Variants in PHF24 observed in about 807,000 individuals in gnomAD.
The protein encoded by PHF24 is PHD finger protein 24, also known as Galpha inhibitory interacting protein.
In PHF24, 25 loss-of-function variants were observed where a neutral mutation model predicts 42.6. That is an observed-to-expected ratio of 0.59 (90% CI 0.43 to 0.82). PHF24 has a LOEUF of 0.82. Among genes scored for constraint, PHF24 ranks in the 40% least tolerant of loss-of-function variants. The pLI is 0.00. For synonymous variants in PHF24, 185 were observed against 204.8 expected, an observed-to-expected ratio of 0.90 and a Z score of 0.83; for missense variants, 470 against 538.1, an observed-to-expected ratio of 0.87 and a Z score of 1.25.
At chr9:34,914,082 T>C in the PHF24 span, among the ~76,000 whole-genome samples, 64 of 152,312 alleles carry the variant, frequency 4.2e-4, no homozygotes, top group Non-Finnish European at 8.2e-4. Context: ...GTCTCCTAAA[T>C]CAATTACTAC....
intron 1 of PHF24, among the ~76,000 whole-genome samples, chr9:34,961,364 A>G (rs1166856897): frequency 6.6e-6 from 1 of 152,186 alleles, no homozygotes; most frequent in Non-Finnish European, 1.5e-5. Flanking sequence ...AACCAAGACC[A>G]TCAGTGTCCA....
chr9:34,683,685 A>G, the PHF24 span, among the ~76,000 whole-genome samples: 1 of 152,206 alleles, frequency 6.6e-6, no homozygotes, highest in African/African-American at 2.4e-5. Context: ...AGAGGCCCAT[A>G]ATGATATTGG....
chr9:34,950,128 C>T, the PHF24 span, among the ~76,000 whole-genome samples: 3 of 151,760 alleles, frequency 2.0e-5, no homozygotes. Context: ...ACGGGTGGAT[C>T]ACTTGAGGTC....
the PHF24 span, among the ~76,000 whole-genome samples, chr9:34,902,595 A>C: frequency 2.6e-5 from 4 of 152,320 alleles, no homozygotes; most frequent in Admixed American, 2.0e-4. Context: ...TCAAGGCTAC[A>C]GTGAACCATG....
chr9:34,937,621 C>G, the PHF24 span, among the ~76,000 whole-genome samples: 9 of 145,438 alleles, frequency 6.2e-5, no homozygotes, highest in Non-Finnish European at 1.0e-4. Flanking sequence ...TCCCCCTCTG[C>G]GAGAAACACC....
At chr9:34,967,795 C>G (rs1399908699) in intron 1 of PHF24, among the ~76,000 whole-genome samples, 1 of 152,190 alleles carries the variant, frequency 6.6e-6, no homozygotes, top group Non-Finnish European at 1.5e-5. Flanking sequence ...TCCATCCCCA[C>G]CCCACCCTGG....
the PHF24 span, among the ~76,000 whole-genome samples, chr9:34,850,819 C>T: frequency 6.6e-6 from 1 of 152,342 alleles, no homozygotes; most frequent in Non-Finnish European, 1.5e-5. Flanking sequence ...TTCTAACAGA[C>T]AGTACCCTCA....
intron 5 of PHF24, 79 bp downstream of exon 5, chr9:34,976,819 G>A: frequency 3.9e-6 from 5 of 1,274,304 alleles, no homozygotes; most frequent in Non-Finnish European, 3.3e-6. Flanking sequence ...GATTGGGGGA[G>A]CACTGGGTCC....
chr9:34,962,794 G>A (rs771452563), intron 1 of PHF24, among the ~76,000 whole-genome samples: 1 of 152,216 alleles, frequency 6.6e-6, no homozygotes, highest in Non-Finnish European at 1.5e-5. Flanking sequence ...AGTCAGCACT[G>A]TGGCTTTTAA....
the PHF24 span, among the ~76,000 whole-genome samples, chr9:34,667,052 T>A: frequency 6.6e-6 from 1 of 152,164 alleles, no homozygotes; most frequent in East Asian, 1.9e-4. Flanking sequence ...AGATTCTTAC[T>A]ATAAATGGAG....
the PHF24 span, chr9:34,723,994 C>G: frequency 1.3e-6 from 2 of 1,550,096 alleles, no homozygotes; most frequent in African/African-American, 2.7e-5. Context: ...CTGCTGGCCT[C>G]TGGTCTTCAG....
At chr9:34,726,932 C>G in the PHF24 span, 2 of 1,551,622 alleles carry the variant, frequency 1.3e-6, no homozygotes, top group Non-Finnish European at 1.7e-6. Flanking sequence ...GATTTGGCAG[C>G]AGGGATCTGC....
At chr9:34,753,787 C>T in the PHF24 span, among the ~76,000 whole-genome samples, 81 of 152,270 alleles carry the variant, frequency 5.3e-4, no homozygotes, top group African/African-American at 1.9e-3. Flanking sequence ...GGCATAAAAA[C>T]AGACACATGG....
At chr9:34,825,345 G>T in the PHF24 span, among the ~76,000 whole-genome samples, 14 of 151,836 alleles carry the variant, frequency 9.2e-5, no homozygotes, top group African/African-American at 3.2e-4. Context: ...GAGACCAGAG[G>T]TATGCATGTG....
At chr9:34,887,422 A>T in the PHF24 span, among the ~76,000 whole-genome samples, 4 of 152,230 alleles carry the variant, frequency 2.6e-5, no homozygotes, top group East Asian at 7.7e-4. Context: ...GCCTTATACC[A>T]TGTGGCCCCT....
At chr9:34,826,632 C>T in the PHF24 span, among the ~76,000 whole-genome samples, 1 of 152,208 alleles carries the variant, frequency 6.6e-6, no homozygotes, top group Admixed American at 6.5e-5. Context: ...GGAGAAGCCA[C>T]CCTCCTCCCA....
At chr9:34,875,440 AT>A in the PHF24 span, among the ~76,000 whole-genome samples, 8 of 152,088 alleles carry the variant, frequency 5.3e-5, no homozygotes, top group East Asian at 1.9e-4. Context: ...ACCTTTAGAG[AT>A]TTTTTTTATT....
the PHF24 span, chr9:34,834,520 G>T: frequency 2.3e-5 from 36 of 1,551,400 alleles, no homozygotes; most frequent in Middle Eastern, 1.7e-4. Context: ...TCTGGATGTG[G>T]AATTCCAGCA....
the PHF24 span, among the ~76,000 whole-genome samples, chr9:34,909,695 C>T: frequency 6.6e-6 from 1 of 151,306 alleles, no homozygotes; most frequent in Non-Finnish European, 1.5e-5. Flanking sequence ...GATCTCGGCT[C>T]ACTGCAAGCT....
Sources: gnomAD v4.1 joint callset for allele counts (sites outside exome capture counted in the v4.1 genomes callset) on GRCh38, gnomAD v4.1.1 for gene constraint, MANE v1.5 for transcripts, NCBI Gene and HGNC (gene_info 2026-07-23, HGNC 2026-07-21) for gene names.